Variants in GPATCH8 observed in about 807,000 individuals in gnomAD.
GPATCH8 encodes G patch domain-containing protein 8.
GPATCH8 carries 18 observed loss-of-function variants against 118.3 expected under a neutral mutation model. The observed-to-expected ratio is 0.15, with a 90% confidence interval of 0.11 to 0.23. The LOEUF is 0.23. Ranked by LOEUF, GPATCH8 falls within the 10% of genes least tolerant of loss-of-function variation. The pLI, the probability that GPATCH8 is intolerant of heterozygous loss-of-function variation, is 1.00. For missense variants in GPATCH8, 1,631 were observed against 1,873.8 expected (o/e 0.87, Z 2.39); for synonymous variants, 659 against 684.7 (o/e 0.96, Z 0.59).
intron 6 of GPATCH8, among the ~76,000 whole-genome samples, chr17:44,421,585 G>A (rs183435350): frequency 6.6e-6 from 1 of 150,450 alleles, no homozygotes; most frequent in East Asian, 2.0e-4. Context: ...AGGCTGGTCT[G>A]GAACTCCTGA....
In GPATCH8 at chr17:44,414,135, A is replaced by ATATATATGTATATG. The variant is rs1567955705; in HGVS notation, c.493-8085_493-8084insCATATACATATATA. Among the ~76,000 whole-genome samples, 38 of 34,546 alleles carry ATATATATGTATATG rather than the reference A, an allele frequency of 1.1e-3. 2 individuals are homozygous for ATATATATGTATATG. Among genetic ancestry groups the ATATATATGTATATG allele is most frequent in the Admixed American group, 5.7e-3 (15 of 2,626 alleles). The allele number at this position is 34,546 out of a possible 152,430, so 22.7% of individuals were successfully genotyped here. ...TATATATGTATATATATGTGTATAT[A>ATATATATGTATATG]TATATATGTGTATATATATATGTGT... On this transcript the variant is annotated intron_variant, in intron 6 of 7. Transcript: ENST00000591680.
chr17:44,431,877 G>A (rs1006305266), intron 5 of GPATCH8, among the ~76,000 whole-genome samples: 1 of 151,936 alleles, frequency 6.6e-6, no homozygotes, highest in Non-Finnish European at 1.5e-5. Flanking sequence ...AGTGAGCTAC[G>A]ATAGCACCAC....
chr17:44,477,256 T>C (rs1183043973), intron 1 of GPATCH8, among the ~76,000 whole-genome samples: 1 of 152,218 alleles, frequency 6.6e-6, no homozygotes, highest in African/African-American at 2.4e-5. Flanking sequence ...TGAGTCTTGT[T>C]TATCTCTTAC....
intron 1 of GPATCH8, among the ~76,000 whole-genome samples, chr17:44,485,928 C>T (rs1407120424): frequency 6.6e-6 from 1 of 152,066 alleles, no homozygotes; most frequent in Non-Finnish European, 1.5e-5. Flanking sequence ...TAAAGGTCTC[C>T]CTGTCACCCA....
intron 1 of GPATCH8, among the ~76,000 whole-genome samples, chr17:44,487,533 G>A (rs1968880886): frequency 6.6e-6 from 1 of 152,198 alleles, no homozygotes; most frequent in Non-Finnish European, 1.5e-5. Context: ...GAGTATGATT[G>A]CTGGATTGAA....
At chr17:44,461,314 T>C (rs1408376584) in intron 3 of GPATCH8, among the ~76,000 whole-genome samples, 8 of 152,072 alleles carry the variant, frequency 5.3e-5, no homozygotes, top group Admixed American at 2.0e-4. Context: ...CCCTAGTAGC[T>C]GGGACTATAG....
At chr17:44,464,595 T>C (rs1166693799) in intron 2 of GPATCH8, 51 bp from the exon 3 acceptor site, 3 of 1,030,926 alleles carry the variant, frequency 2.9e-6, no homozygotes, top group Non-Finnish European at 4.6e-6. Flanking sequence ...TAATATATTC[T>C]TCCCTTCCTA....
At chr17:44,497,971 G>A (rs1969794731) in intron 1 of GPATCH8, among the ~76,000 whole-genome samples, 1 of 151,918 alleles carries the variant, frequency 6.6e-6, no homozygotes, top group Admixed American at 6.6e-5. Context: ...AAGAAAAACA[G>A]ACTGTCCTTT....
intron 6 of GPATCH8, among the ~76,000 whole-genome samples, chr17:44,413,792 G>T (rs555531158): frequency 6.6e-6 from 1 of 151,992 alleles, no homozygotes; most frequent in Non-Finnish European, 1.5e-5. Flanking sequence ...GCTAATTTTT[G>T]TATTTTTAGT....
intron 1 of GPATCH8, among the ~76,000 whole-genome samples, chr17:44,491,486 CAAAAAA>C (rs1023934645): frequency 2.9e-5 from 2 of 69,560 alleles, no homozygotes; most frequent in African/African-American, 1.0e-4. Flanking sequence ...GACTCCGTCT[CAAAAAA>C]AAAAAAAAAA....
At chr17:44,454,509 G>A (rs1207453234) in intron 3 of GPATCH8, among the ~76,000 whole-genome samples, 2 of 152,152 alleles carry the variant, frequency 1.3e-5, no homozygotes, top group Non-Finnish European at 2.9e-5. Context: ...TCTCCGTACT[G>A]AGAAACAAGT....
intron 2 of GPATCH8, among the ~76,000 whole-genome samples, chr17:44,473,036 G>C (rs1304495999): frequency 6.6e-6 from 1 of 151,654 alleles, no homozygotes; most frequent in Non-Finnish European, 1.5e-5. Flanking sequence ...AATTAAATTA[G>C]TTTGCAAATA....
Position 44,399,745 on chromosome 17 carries a change from AGCT to A in GPATCH8, c.2329_2331del (p.Ser778del), listed in dbSNP as rs757112821. 6.2e-7 allele frequency: 1 copy of A among 1,613,584 alleles called. No homozygotes were observed. Among genetic ancestry groups the A allele is most frequent in the Non-Finnish European group, 8.5e-7 (1 of 1,179,938 alleles). On this transcript the variant is annotated inframe_deletion, in exon 8 of 8. Transcript: ENST00000591680. ...TGTTTCCTCCCACCATGGTCTTGGG[AGCT>A]GCTACCACCCCCACCTTCATCCTTT...
At chr17:44,443,020 G>GT (rs1387913749) in intron 3 of GPATCH8, among the ~76,000 whole-genome samples, 1 of 152,190 alleles carries the variant, frequency 6.6e-6, no homozygotes, top group Non-Finnish European at 1.5e-5. Flanking sequence ...AGGAGCTGGA[G>GT]TGAGCTATCA....
chr17:44,465,239 T>C (rs537896318), intron 2 of GPATCH8: 16 of 152,224 alleles, frequency 1.1e-4, no homozygotes, highest in Middle Eastern at 3.4e-3. Context: ...CATTTCAACA[T>C]GTAGTCTAAC....
At chr17:44,499,396 G>T (rs756672910) in intron 1 of GPATCH8, among the ~76,000 whole-genome samples, 8 of 152,218 alleles carry the variant, frequency 5.3e-5, no homozygotes, top group Non-Finnish European at 1.2e-4. Context: ...CTTGAACCCG[G>T]GAGGCGGAGG....
intron 1 of GPATCH8, among the ~76,000 whole-genome samples, chr17:44,485,698 C>T (rs2144437676): frequency 6.6e-6 from 1 of 152,314 alleles, no homozygotes; most frequent in East Asian, 1.9e-4. Flanking sequence ...TCACTTAACT[C>T]ACTTTTACTT....
At chr17:44,471,787 G>A (rs2144358107) in intron 2 of GPATCH8, among the ~76,000 whole-genome samples, 1 of 151,570 alleles carries the variant, frequency 6.6e-6, no homozygotes, top group Non-Finnish European at 1.5e-5. Flanking sequence ...TTTGTTTGGT[G>A]GGAGGGAGGG....
At chr17:44,430,746 G>A (rs966089518) in intron 5 of GPATCH8, among the ~76,000 whole-genome samples, 3 of 150,962 alleles carry the variant, frequency 2.0e-5, no homozygotes, top group African/African-American at 7.3e-5. Flanking sequence ...GGGTTCAAGC[G>A]ATTCTCCTGC....
Sources: allele counts gnomAD v4.1 joint callset (sites outside exome capture counted in the v4.1 genomes callset), GRCh38; gene constraint gnomAD v4.1.1; transcripts MANE v1.5; gene names NCBI Gene and HGNC (gene_info 2026-07-23, HGNC 2026-07-21).